Variants in KANK1 observed in about 807,000 individuals in gnomAD.
KANK1 encodes KN motif and ankyrin repeat domain-containing protein 1.
KANK1 carries 109 observed loss-of-function variants against 106.2 expected under a neutral mutation model. The observed-to-expected ratio is 1.03, with a 90% CI of 0.88 to 1.20. KANK1 has a LOEUF of 1.20. Among genes scored for constraint, KANK1 ranks in the 50% most tolerant of loss-of-function variants. The pLI is 0.00. For synonymous variants in KANK1, 873 were observed against 652.2 expected (o/e 1.34, Z -5.16); for missense variants, 2,399 against 1,710.7 (o/e 1.40, Z -7.10).
At chr9:502,415 TTTGA>T (rs1196008094), upstream of KANK1, among the ~76,000 whole-genome samples, 1 of 152,208 alleles carries the variant, frequency 6.6e-6, no homozygotes, top group African/African-American at 2.4e-5. Flanking sequence ...CTGCCATACT[TTTGA>T]TTGATTCGTT....
At position 711,095 on chromosome 9, in the gene KANK1, G is replaced by T; in HGVS notation, c.329G>T (p.Arg110Ile). 6.2e-7 allele frequency: 1 copy of T among 1,614,172 alleles called. No homozygotes were observed. The highest frequency in any genetic ancestry group is 2.2e-5 in the East Asian group (1 of 44,880). Reference protein sequence around the residue: ...NKQCPNFLIARSQVTSTPISK... With the variant: ...NKQCPNFLIAISQVTSTPISK... ...CAGTGCCCCAACTTCCTCATAGCCAGAAGTCAAGTTACATCAACTCCAATC... is the reference window on the plus strand; with the variant it reads ...CAGTGCCCCAACTTCCTCATAGCCATAAGTCAAGTTACATCAACTCCAATC... Residue 110 changes from arginine (R) to isoleucine (I), a missense_variant, in exon 3 of 12, where the codon AGA becomes ATA. Physicochemically the swap from Arg to Ile is moderately conservative, Grantham distance 97 (BLOSUM62 -3). Coordinates refer to ENST00000382297, the MANE Select transcript of KANK1 (RefSeq NM_015158.5).
At chr9:565,885 C>A (rs1001430090) in intron 1 of KANK1, among the ~76,000 whole-genome samples, 1 of 152,158 alleles carries the variant, frequency 6.6e-6, no homozygotes, top group African/African-American at 2.4e-5. Flanking sequence ...ATTTTAGGTT[C>A]AGGGGTGCAT....
At chr9:667,814 C>T (rs1845002735) in intron 1 of KANK1, among the ~76,000 whole-genome samples, 1 of 151,374 alleles carries the variant, frequency 6.6e-6, no homozygotes. Flanking sequence ...AATCTGCAAC[C>T]TCCACCTCCT....
chr9:692,227 A>C (rs1206349016), intron 2 of KANK1, among the ~76,000 whole-genome samples: 2 of 152,132 alleles, frequency 1.3e-5, no homozygotes, highest in Non-Finnish European at 2.9e-5. Flanking sequence ...CTCATCTCCT[A>C]CTGGTGACCA....
At chr9:659,373 C>G (rs543473168) in intron 1 of KANK1, among the ~76,000 whole-genome samples, 9 of 152,228 alleles carry the variant, frequency 5.9e-5, no homozygotes, top group African/African-American at 2.2e-4. Flanking sequence ...AGCGGGTTAT[C>G]AAAATGCAGA....
chr9:705,861 A>G (rs939365270), intron 2 of KANK1, among the ~76,000 whole-genome samples: 15 of 152,218 alleles, frequency 9.9e-5, no homozygotes, highest in Non-Finnish European at 1.8e-4. Context: ...TCGGTCTCCC[A>G]AAGTGCTGGG....
At chr9:578,630 C>T (rs900834767) in intron 1 of KANK1, among the ~76,000 whole-genome samples, 22 of 152,162 alleles carry the variant, frequency 1.4e-4, no homozygotes, top group East Asian at 1.9e-4. Flanking sequence ...TAGATTTATG[C>T]ACTGTTAAAG....
intron 1 of KANK1, among the ~76,000 whole-genome samples, chr9:578,329 C>CTGTG (rs33959144): frequency 1.7e-4 from 25 of 149,804 alleles, no homozygotes; most frequent in South Asian, 2.1e-4. Flanking sequence ...TATTTTTCAA[C>CTGTG]TGTGTGTGTG....
In KANK1 at chr9:676,970, A is replaced by C. The variant is rs761864499; in HGVS notation, c.-3A>C. On this transcript the variant is annotated 5_prime_UTR_variant, in exon 2 of 12. Coordinates refer to ENST00000382297, the MANE Select transcript of KANK1 (RefSeq NM_015158.5). ...CTGGATCTCTCATTGGACTCAAGCC[A>C]GCATGGCTCACACCACAAAGGTTAA... is the stretch of plus-strand genomic sequence containing the variant. 1 of 1,613,690 alleles carries C rather than the reference A, an allele frequency of 6.2e-7. No individual in the cohort carries two copies. The highest frequency in any genetic ancestry group is 1.3e-5 in the African/African-American group (1 of 74,898).
rs1008163144 is a variant in KANK1, at chr9:513,515, T to G, written c.-84+8761T>G. On this transcript the variant is annotated intron_variant, in intron 1 of 11. Transcript: ENST00000382297. ...ACACATAACTAATCCCTTTTTATAA[T>G]TATCATCCAAGAAACATATAAGAAC... 9.7e-4 allele frequency among the ~76,000 whole-genome samples: 148 copies of G among 152,346 alleles called. 1 individual carries two copies. The highest frequency in any genetic ancestry group is 9.0e-4 in the Non-Finnish European group (61 of 68,038).
chr9:639,061 C>G (rs1445739354), intron 1 of KANK1, among the ~76,000 whole-genome samples: 1 of 152,146 alleles, frequency 6.6e-6, no homozygotes, highest in Non-Finnish European at 1.5e-5. Flanking sequence ...TCTTACCTTC[C>G]TACAGGAGTC....
chr9:509,990 G>A (rs75126139), intron 1 of KANK1, among the ~76,000 whole-genome samples: 23,322 of 147,362 alleles, frequency 0.16, 3,242 homozygotes, highest in African/African-American at 0.38. Context: ...TTTTTTTTTA[G>A]TTGTAGAGAT....
At chr9:576,582 C>T (rs569714121) in intron 1 of KANK1, among the ~76,000 whole-genome samples, 2 of 152,238 alleles carry the variant, frequency 1.3e-5, no homozygotes, top group East Asian at 1.9e-4. Flanking sequence ...ACGTTTGCTT[C>T]GATTCTTTCA....
chr9:671,362 G>A (rs945815727), intron 1 of KANK1, among the ~76,000 whole-genome samples: 3 of 151,914 alleles, frequency 2.0e-5, no homozygotes, highest in African/African-American at 4.8e-5. Flanking sequence ...AGAGTGTACT[G>A]GGGCCGGGCG....
At chr9:649,125 G>A (rs76091345) in intron 1 of KANK1, among the ~76,000 whole-genome samples, 1,762 of 152,150 alleles carry the variant, frequency 0.012, 44 homozygotes, top group African/African-American at 0.04. Context: ...AAGTCTCCTG[G>A]CATATAAGGA....
upstream of KANK1, among the ~76,000 whole-genome samples, chr9:501,079 G>GA (rs61238885): frequency 2.6e-3 from 373 of 144,668 alleles, 3 homozygotes; most frequent in East Asian, 0.012. Flanking sequence ...TGAGAAAAAA[G>GA]AAAAAAAAAA....
chr9:512,972 G>A (rs573425456), intron 1 of KANK1, among the ~76,000 whole-genome samples: 12 of 152,216 alleles, frequency 7.9e-5, no homozygotes, highest in East Asian at 3.9e-4. Context: ...TTACCAGGCC[G>A]TAGAGATATG....
chr9:612,615 G>A lies in KANK1; in HGVS notation c.-83-64275G>A, dbSNP rs149659848. On this transcript the variant is annotated intron_variant, in intron 1 of 11. Transcript: ENST00000382297. ...TGGAATACATAGGTCAACTATCTAG[G>A]AATGGGACAAAGTACAGAAACAATG... is the stretch of plus-strand genomic sequence containing the variant. 3.4e-3 allele frequency among the ~76,000 whole-genome samples: 518 copies of A among 152,206 alleles called. 3 individuals are homozygous for A. Among genetic ancestry groups the A allele is most frequent in the African/African-American group, 0.012 (500 of 41,494 alleles).
chr9:702,621 A>C (rs898007124), intron 2 of KANK1, among the ~76,000 whole-genome samples: 3 of 151,728 alleles, frequency 2.0e-5, no homozygotes, highest in African/African-American at 4.8e-5. Context: ...TGCACTTCCC[A>C]CTGGGTATTA....
Sources: gnomAD v4.1 joint callset for allele counts (sites outside exome capture counted in the v4.1 genomes callset) on GRCh38, gnomAD v4.1.1 for gene constraint, MANE v1.5 for transcripts, NCBI Gene and HGNC (gene_info 2026-07-23, HGNC 2026-07-21) for gene names.